UCP1: variants seen among roughly 807,000 people sequenced by gnomAD.
The protein encoded by UCP1 is uncoupling protein 1.
A neutral mutation model predicts 26.2 loss-of-function variants in UCP1; 24 were observed. The observed-to-expected ratio is 0.92, with a 90% CI of 0.66 to 1.29. The LOEUF (loss-of-function observed/expected upper bound fraction) is 1.29, where lower values mean the gene tolerates loss of function less well. UCP1 is among the 50% of genes most tolerant of loss of function. The pLI, the probability that UCP1 is intolerant of heterozygous loss-of-function variation, is 0.00. For synonymous variants in UCP1, 164 were observed against 156.8 expected (o/e 1.05, Z -0.34); for missense variants, 402 against 388.7 (o/e 1.03, Z -0.29).
chr4:140,567,927 C>CTTT lies in UCP1; in HGVS notation c.176_177insAAA (p.Leu59_Gly60insLys). 6.2e-7 allele frequency: 1 copy of CTTT among 1,614,212 alleles called. No individual in the cohort carries two copies. The highest frequency in any genetic ancestry group is 8.5e-7 in the Non-Finnish European group (1 of 1,180,042). On this transcript the variant is annotated inframe_insertion, in exon 2 of 6. Coordinates refer to ENST00000262999, the MANE Select transcript of UCP1 (RefSeq NM_021833.5). ...TTTTTACCACAGCGGTGATTGTTCC[C>CTTT]AGGACACCTTTATACCTAATAACAC...
chr4:140,563,860 G>A (rs913580557), intron 2 of UCP1, among the ~76,000 whole-genome samples: 13 of 151,874 alleles, frequency 8.6e-5, no homozygotes, highest in African/African-American at 3.1e-4. Context: ...CGTCTGCCTC[G>A]GCCTCCCAAA....
intron 2 of UCP1, among the ~76,000 whole-genome samples, chr4:140,566,514 T>TA (rs1037499229): frequency 5.3e-5 from 8 of 152,168 alleles, no homozygotes; most frequent in Non-Finnish European, 5.9e-5. Flanking sequence ...CATCTATAAA[T>TA]AAAAAAATGC....
chr4:140,560,071 G>A (rs1351364193), intron 5 of UCP1, 61 bp from the exon 6 acceptor site: 1 of 1,395,686 alleles, frequency 7.2e-7, no homozygotes, highest in Non-Finnish European at 1.0e-6. Context: ...TTTAATTTTT[G>A]AGATGAGGCT....
chr4:140,567,722 T>C, intron 2 of UCP1, 57 bp downstream of exon 2: 1 of 1,605,636 alleles, frequency 6.2e-7, no homozygotes, highest in Non-Finnish European at 8.5e-7. Flanking sequence ...TTACACTTTT[T>C]GGAACAGAGC....
chr4:140,561,499 C>T (rs1033720559), intron 5 of UCP1, among the ~76,000 whole-genome samples: 3 of 152,120 alleles, frequency 2.0e-5, no homozygotes, highest in South Asian at 2.1e-4. Context: ...ACCATCAGTG[C>T]GTGCCACCAC....
rs1169209880 is a variant in UCP1, at chr4:140,559,791, T to C, written c.*105A>G. The C allele has an allele frequency of 9.0e-7, 1 of 1,108,374 alleles. No individual in the cohort carries two copies. The highest frequency in any genetic ancestry group is 1.3e-6 in the Non-Finnish European group (1 of 760,516). The allele number at this position is 1,108,374 out of a possible 1,614,324, so 68.7% of individuals were successfully genotyped here. On this transcript the variant is annotated 3_prime_UTR_variant, in exon 6 of 6. Transcript: ENST00000262999. ...AAAAGTCCAAAATTCTCTGCCAAAA[T>C]TCCTTTATCTTTTTAGGTTAAAATA...
In UCP1 at chr4:140,567,860, G is replaced by T. The variant is rs1578791491; in HGVS notation, c.244C>A (p.Leu82Ile). The T allele has an allele frequency of 4.3e-6, 7 of 1,614,018 alleles. No individual in the cohort carries two copies. The highest frequency in any genetic ancestry group is 5.9e-6 in the Non-Finnish European group (7 of 1,180,050). ...MKLYSGLPAG[L>I]QRQISSASLR... Reference sequence around the variant, plus strand: ...GAGGCGGAGCTGATTTGCCGCTGAAGCCCCGCAGGCAGCCCGCTGTAGAGT... The same window carrying T: ...GAGGCGGAGCTGATTTGCCGCTGAATCCCCGCAGGCAGCCCGCTGTAGAGT... The change falls in exon 2 of 6, where the codon CTT becomes ATT. Residue 82 changes from leucine (L) to isoleucine (I), a missense_variant. Coordinates refer to ENST00000262999, the MANE Select transcript of UCP1 (RefSeq NM_021833.5).
At chr4:140,566,162 T>G (rs766734376) in intron 2 of UCP1, among the ~76,000 whole-genome samples, 4 of 152,222 alleles carry the variant, frequency 2.6e-5, no homozygotes, top group Non-Finnish European at 5.9e-5. Flanking sequence ...AACTCATTTC[T>G]GAGAATGTAT....
At chr4:140,560,468 T>A (rs1168736744) in intron 5 of UCP1, among the ~76,000 whole-genome samples, 1 of 152,170 alleles carries the variant, frequency 6.6e-6, no homozygotes, top group Non-Finnish European at 1.5e-5. Context: ...CTTTCCTTTT[T>A]TGAGGGAAGG....
rs1735870812 is a variant in UCP1 at position 140,568,850 on chromosome 4, A to G, written c.-121T>C. On this transcript the variant is annotated 5_prime_UTR_variant, in exon 1 of 6. Transcript: ENST00000262999. The stretch of plus-strand genomic sequence containing the variant: ...AGCAAACCCGATTTCTGTTTTTTGA[A>G]CCGACCGCCGGGCAGCGGCGGTGCA... 1.6e-5 allele frequency: 24 copies of G among 1,474,744 alleles called. No homozygotes were observed. The South Asian group carries it at 2.5e-4, about 15-fold the overall frequency. 91.4% of individuals were successfully genotyped at this position (1,474,744 alleles called of 1,614,324 possible).
chr4:140,564,191 C>A (rs563588752), intron 2 of UCP1, among the ~76,000 whole-genome samples: 1 of 152,114 alleles, frequency 6.6e-6, no homozygotes, highest in Non-Finnish European at 1.5e-5. Flanking sequence ...CTTTCTCCCA[C>A]GAATGATCAT....
intron 5 of UCP1, among the ~76,000 whole-genome samples, chr4:140,561,558 G>T (rs1031473272): frequency 5.3e-5 from 8 of 152,028 alleles, no homozygotes; most frequent in Admixed American, 1.3e-4. Context: ...TCGCTTTGTT[G>T]CCCAGTCTGG....
At chr4:140,564,446 A>C (rs1324785171) in intron 2 of UCP1, among the ~76,000 whole-genome samples, 1 of 152,238 alleles carries the variant, frequency 6.6e-6, no homozygotes, top group Non-Finnish European at 1.5e-5. Context: ...ACATAAAATT[A>C]AGGTTCAGTA....
intron 2 of UCP1, among the ~76,000 whole-genome samples, chr4:140,565,824 A>G (rs1431744867): frequency 1.3e-5 from 2 of 152,174 alleles, no homozygotes; most frequent in Non-Finnish European, 2.9e-5. Context: ...GTTCTGTTTA[A>G]TATAGCCACC....
At chr4:140,561,164 G>A (rs889293077) in intron 5 of UCP1, among the ~76,000 whole-genome samples, 1 of 152,086 alleles carries the variant, frequency 6.6e-6, no homozygotes, top group African/African-American at 2.4e-5. Flanking sequence ...TTGTATTAAT[G>A]TATCATAAGT....
Position 140,563,371 on chromosome 4 carries a change from T to C in UCP1, c.473A>G (p.Tyr158Cys), listed in dbSNP as rs150152405. The change falls in exon 3 of 6, where the codon TAT (tyrosine) becomes TGT (cysteine). Residue 158 changes from tyrosine to cysteine, a missense_variant. Transcript: ENST00000262999. Reference protein sequence around the residue: ...HGIKPRYTGTYNAYRIIATTE... With the variant: ...HGIKPRYTGTCNAYRIIATTE... ...TGTTGCTATTATTCTGTACGCATTA[T>C]AAGTCCCCGTGTAGCGAGGTTTGAT... The C allele has an allele frequency of 1.9e-6, 3 of 1,614,076 alleles. No homozygotes were observed. The African/African-American group carries it at 4.0e-5, about 22-fold the overall frequency.
intron 2 of UCP1, 38 bp from the exon 3 acceptor site, chr4:140,563,556 T>TA (rs764044342): frequency 6.3e-7 from 1 of 1,582,502 alleles, no homozygotes; most frequent in South Asian, 1.1e-5. Context: ...GAAAAAAAAT[T>TA]AAAGACCTAG....
chr4:140,562,411 TTG>T, intron 4 of UCP1, 38 bp from the exon 5 acceptor site: 1 of 1,609,010 alleles, frequency 6.2e-7, no homozygotes, highest in South Asian at 1.1e-5. Flanking sequence ...CATCAGACTT[TTG>T]GGGGCTTGCA....
chr4:140,562,892 A>G (rs538406188), intron 4 of UCP1, among the ~76,000 whole-genome samples: 51 of 152,296 alleles, frequency 3.3e-4, no homozygotes, highest in Non-Finnish European at 2.2e-4. Context: ...ATTGCCTGTT[A>G]TTTTTGTTGC....
Sources: allele counts gnomAD v4.1 joint callset (sites outside exome capture counted in the v4.1 genomes callset), GRCh38; gene constraint gnomAD v4.1.1; transcripts MANE v1.5; gene names NCBI Gene and HGNC (gene_info 2026-07-23, HGNC 2026-07-21).